Variants in LTBP1 observed in about 807,000 individuals in gnomAD.
LTBP1 encodes latent transforming growth factor beta binding protein 1, also known as latent-transforming growth factor beta-binding protein 1.
In LTBP1, 129 loss-of-function variants were observed where a neutral mutation model predicts 207.6. The ratio of observed to expected loss-of-function variants is 0.62; its 90% CI spans 0.54 to 0.72. The LOEUF is 0.72. Among genes scored for constraint, LTBP1 ranks in the 30% least tolerant of loss-of-function variants. LTBP1 has a pLI of 0.00. For synonymous variants in LTBP1, 963 were observed against 833.7 expected (o/e 1.16, Z -2.67); for missense variants, 2,281 against 2,217.2 (o/e 1.03, Z -0.58).
intron 24 of LTBP1, among the ~76,000 whole-genome samples, chr2:33,327,218 T>G (rs2094439122): frequency 6.6e-6 from 1 of 152,158 alleles, no homozygotes; most frequent in African/African-American, 2.4e-5. Flanking sequence ...TATGAATGCT[T>G]TACAGTAAAC....
At chr2:33,290,774 A>C (rs2093758445) in intron 19 of LTBP1, among the ~76,000 whole-genome samples, 1 of 152,116 alleles carries the variant, frequency 6.6e-6, no homozygotes, top group Admixed American at 6.5e-5. Flanking sequence ...AATAACATAA[A>C]GAAAAGACAG....
At chr2:33,328,162 T>TAAATAAAATA (rs1412782478) in intron 24 of LTBP1, among the ~76,000 whole-genome samples, 109 of 145,736 alleles carry the variant, frequency 7.5e-4, no homozygotes, top group African/African-American at 2.8e-3. Context: ...AATAAATAAA[T>TAAATAAAATA]AAATAAAATA....
chr2:33,393,113 A>G (rs1352689570), intron 32 of LTBP1, among the ~76,000 whole-genome samples: 1 of 151,816 alleles, frequency 6.6e-6, no homozygotes, highest in Non-Finnish European at 1.5e-5. Context: ...GCAACATGTC[A>G]TGGGGGTTAG....
chr2:33,188,990 A>G, intron 7 of LTBP1, 139 bp downstream of exon 7: 1 of 972,638 alleles, frequency 1.0e-6, no homozygotes, highest in South Asian at 1.7e-5. Flanking sequence ...ATTTTTGTAA[A>G]TAAAGTTTTA....
chr2:33,308,238 G>A (rs557743316), intron 22 of LTBP1, among the ~76,000 whole-genome samples: 13 of 152,312 alleles, frequency 8.5e-5, no homozygotes, highest in Middle Eastern at 3.4e-3. Context: ...AGATCTGCTC[G>A]CATTCATGCG....
chr2:33,247,852 C>A (rs934775808), intron 10 of LTBP1, among the ~76,000 whole-genome samples: 1 of 152,230 alleles, frequency 6.6e-6, no homozygotes, highest in Non-Finnish European at 1.5e-5. Flanking sequence ...TTTTGGCAAG[C>A]CAAATGGGTT....
chr2:33,368,256 A>G (rs538729981), intron 31 of LTBP1, among the ~76,000 whole-genome samples: 37 of 152,290 alleles, frequency 2.4e-4, no homozygotes, highest in African/African-American at 6.0e-4. Context: ...TACAGCCTTT[A>G]TGGAAAACAG....
intron 2 of LTBP1, among the ~76,000 whole-genome samples, chr2:32,985,766 A>G (rs1420526759): frequency 6.6e-6 from 1 of 152,214 alleles, no homozygotes; most frequent in Non-Finnish European, 1.5e-5. Context: ...GGGCACTCTC[A>G]GTGATGGATG....
At chr2:33,039,356 A>G (rs1227597523) in intron 3 of LTBP1, among the ~76,000 whole-genome samples, 2 of 152,088 alleles carry the variant, frequency 1.3e-5, no homozygotes, top group South Asian at 2.1e-4. Flanking sequence ...CCCCACCTGT[A>G]TATATTTTTT....
chr2:33,011,936 C>T (rs1407059198), intron 2 of LTBP1, among the ~76,000 whole-genome samples: 2 of 152,092 alleles, frequency 1.3e-5, no homozygotes, highest in Admixed American at 6.5e-5. Flanking sequence ...TTATTTCTCT[C>T]CGATTTCAGG....
chr2:33,132,916 C>T (rs1452049515), intron 4 of LTBP1, among the ~76,000 whole-genome samples: 1 of 152,050 alleles, frequency 6.6e-6, no homozygotes, highest in Non-Finnish European at 1.5e-5. Context: ...GATTGTGAGG[C>T]CATGGGGAAC....
At chr2:33,036,395 A>G (rs891675462) in intron 3 of LTBP1, among the ~76,000 whole-genome samples, 4 of 151,988 alleles carry the variant, frequency 2.6e-5, no homozygotes, top group Non-Finnish European at 4.4e-5. Flanking sequence ...TATCATTTCT[A>G]CTGATAATGA....
At chr2:33,215,711 C>CTTTTTTTTT (rs201936680) in intron 7 of LTBP1, among the ~76,000 whole-genome samples, 9 of 126,038 alleles carry the variant, frequency 7.1e-5, no homozygotes, top group South Asian at 2.5e-4. Context: ...CATTGGTTTT[C>CTTTTTTTTT]TTTTGTTTTT....
At chr2:33,325,801 G>A (rs957368906) in intron 24 of LTBP1, among the ~76,000 whole-genome samples, 1 of 152,092 alleles carries the variant, frequency 6.6e-6, no homozygotes, top group African/African-American at 2.4e-5. Flanking sequence ...TTTTGACATT[G>A]TTCCTTATTT....
chr2:33,012,284 G>A (rs564169960), intron 2 of LTBP1, among the ~76,000 whole-genome samples: 5 of 151,994 alleles, frequency 3.3e-5, no homozygotes, highest in East Asian at 3.9e-4. Flanking sequence ...GGGTGGGGGG[G>A]GCTTCACACT....
rs548114036 is a variant in LTBP1 at position 33,107,570 on chromosome 2, A to T, written c.864-3012A>T. ...TGTCTTAGGGGGCCCAGTGGATGGG[A>T]CAGGGAGATCCACCAGTGGAGGGGC... On this transcript the variant is annotated intron_variant, in intron 3 of 33. Coordinates refer to ENST00000404816, the MANE Select transcript of LTBP1 (RefSeq NM_206943.4). 1.5e-3 allele frequency among the ~76,000 whole-genome samples: 223 copies of T among 152,310 alleles called. 3 individuals carry two copies. In the South Asian group the frequency reaches 0.029, roughly 20 times the overall value.
intron 24 of LTBP1, among the ~76,000 whole-genome samples, chr2:33,336,633 C>T (rs1480137563): frequency 6.6e-6 from 1 of 152,048 alleles, no homozygotes; most frequent in East Asian, 1.9e-4. Context: ...AAAATGACAC[C>T]CCCATTCCCA....
Position 33,280,000 on chromosome 2 carries a change from C to A in LTBP1, c.2993-39C>A, listed in dbSNP as rs762926483. Reference sequence around the variant, plus strand: ...CAAAGTAAGATTTTGCTTTGGTATTCTGATAAAATGTTCACGACCTAGGTT... The same window carrying A: ...CAAAGTAAGATTTTGCTTTGGTATTATGATAAAATGTTCACGACCTAGGTT... On this transcript the variant is annotated intron_variant, in intron 18 of 33. Transcript: ENST00000404816. The A allele has an allele frequency of 1.9e-6, 3 of 1,608,222 alleles. No individual in the cohort carries two copies. In the African/African-American group the frequency reaches 4.0e-5, roughly 22 times the overall value.
chr2:33,248,256 T>G (rs1191250835), intron 10 of LTBP1, among the ~76,000 whole-genome samples: 5 of 152,256 alleles, frequency 3.3e-5, no homozygotes, highest in African/African-American at 1.2e-4. Context: ...TTTATGTGAA[T>G]TATCCCATAT....
Sources: allele counts gnomAD v4.1 joint callset (sites outside exome capture counted in the v4.1 genomes callset), GRCh38; gene constraint gnomAD v4.1.1; transcripts MANE v1.5; gene names NCBI Gene and HGNC (gene_info 2026-07-23, HGNC 2026-07-21).